The following CDKAL1 variants were observed in gnomAD, a reference collection of about 807,000 sequenced individuals.
CDKAL1 encodes CDKAL1 threonylcarbamoyladenosine tRNA methylthiotransferase.
CDKAL1 carries 32 observed loss-of-function variants against 68.2 expected under a neutral mutation model. That is an observed-to-expected ratio of 0.47 (90% CI 0.35 to 0.63). CDKAL1 has a LOEUF of 0.63. CDKAL1 is among the 30% of genes least tolerant of loss of function. The pLI is 0.00. For missense variants in CDKAL1, 606 were observed against 696.7 expected, an observed-to-expected ratio of 0.87 and a Z score of 1.47; for synonymous variants, 234 against 244.3, an observed-to-expected ratio of 0.96 and a Z score of 0.39.
intron 10 of CDKAL1, among the ~76,000 whole-genome samples, chr6:20,959,658 A>G (rs1352331447): frequency 6.6e-6 from 1 of 152,066 alleles, no homozygotes; most frequent in Non-Finnish European, 1.5e-5. Context: ...CAGACATACT[A>G]ATATTTGCTA....
At chr6:20,857,443 A>G (rs1759394142) in intron 9 of CDKAL1, among the ~76,000 whole-genome samples, 1 of 152,244 alleles carries the variant, frequency 6.6e-6, no homozygotes, top group East Asian at 1.9e-4. Flanking sequence ...AGGAATGATG[A>G]TGAGATAGTA....
At chr6:20,741,264 A>C (rs1325523356) in intron 6 of CDKAL1, among the ~76,000 whole-genome samples, 2 of 151,974 alleles carry the variant, frequency 1.3e-5, no homozygotes, top group African/African-American at 4.8e-5. Context: ...CTGGCAGATA[A>C]ACATTTTTTT....
chr6:20,923,531 C>G (rs1279498767), intron 9 of CDKAL1, among the ~76,000 whole-genome samples: 1 of 152,092 alleles, frequency 6.6e-6, no homozygotes, highest in East Asian at 1.9e-4. Flanking sequence ...AGATGGTGAA[C>G]TTAATTGGTA....
At chr6:20,728,117 T>A (rs1332063999) in intron 5 of CDKAL1, among the ~76,000 whole-genome samples, 2 of 152,232 alleles carry the variant, frequency 1.3e-5, no homozygotes, top group Non-Finnish European at 2.9e-5. Context: ...TATTTGTGTT[T>A]ATTAATGTAC....
intron 4 of CDKAL1, among the ~76,000 whole-genome samples, chr6:20,575,152 A>G (rs922579640): frequency 6.6e-6 from 1 of 152,200 alleles, no homozygotes; most frequent in Non-Finnish European, 1.5e-5. Flanking sequence ...ACAGAACTTA[A>G]TGGCTGTTAA....
At chr6:21,199,382 C>T (rs774588407) in intron 14 of CDKAL1, among the ~76,000 whole-genome samples, 23 of 152,176 alleles carry the variant, frequency 1.5e-4, no homozygotes, top group Non-Finnish European at 1.6e-4. Flanking sequence ...CCCAGCACTC[C>T]ATGTCTGGCC....
chr6:20,942,332 A>G (rs1332681816), intron 9 of CDKAL1, among the ~76,000 whole-genome samples: 1 of 146,486 alleles, frequency 6.8e-6, no homozygotes. Flanking sequence ...ACCCCAAAAT[A>G]TGTTATTATT....
intron 11 of CDKAL1, among the ~76,000 whole-genome samples, chr6:21,009,575 T>A (rs1391759317): frequency 6.6e-6 from 1 of 152,226 alleles, no homozygotes; most frequent in African/African-American, 2.4e-5. Flanking sequence ...AGATAAACTA[T>A]GCCCAATAGC....
chr6:21,017,092 T>C (rs1768381149), intron 11 of CDKAL1, among the ~76,000 whole-genome samples: 1 of 152,224 alleles, frequency 6.6e-6, no homozygotes, highest in Admixed American at 6.5e-5. Context: ...TTATGCAAAG[T>C]ATTTTACATA....
intron 9 of CDKAL1, among the ~76,000 whole-genome samples, chr6:20,934,900 A>AT (rs35030815): frequency 0.33 from 44,930 of 136,616 alleles, 9,276 homozygotes; most frequent in African/African-American, 0.58. Flanking sequence ...CGCCTTATAC[A>AT]TTTTTTTTTT....
At chr6:20,589,110 G>A (rs6907767) in intron 4 of CDKAL1, among the ~76,000 whole-genome samples, 112,042 of 151,808 alleles carry the variant, frequency 0.74, 41,510 homozygotes, top group East Asian at 0.8. Context: ...GTGAACATCT[G>A]CAGCCACACA....
At chr6:21,115,774 A>C (rs1216810999) in intron 13 of CDKAL1, among the ~76,000 whole-genome samples, 6 of 152,162 alleles carry the variant, frequency 3.9e-5, no homozygotes, top group African/African-American at 1.4e-4. Flanking sequence ...TGTTAAATCC[A>C]TTTCCTCATC....
chr6:20,608,392 CTAAG>C (rs555917584), intron 4 of CDKAL1, among the ~76,000 whole-genome samples: 4 of 152,076 alleles, frequency 2.6e-5, no homozygotes, highest in East Asian at 1.9e-4. Flanking sequence ...CTTTCCAGTT[CTAAG>C]TGAGTGTGAC....
intron 9 of CDKAL1, among the ~76,000 whole-genome samples, chr6:20,859,296 A>T (rs994798569): frequency 1.4e-5 from 2 of 146,670 alleles, no homozygotes; most frequent in African/African-American, 2.6e-5. Flanking sequence ...TAAAAAACTT[A>T]AAAAAAAAAG....
At chr6:21,057,219 G>C (rs1274902247) in intron 11 of CDKAL1, among the ~76,000 whole-genome samples, 2 of 152,114 alleles carry the variant, frequency 1.3e-5, no homozygotes, top group African/African-American at 4.8e-5. Flanking sequence ...GGTCTATTCA[G>C]GGATTCAAGT....
At chr6:21,022,958 G>A (rs1163920334) in intron 11 of CDKAL1, among the ~76,000 whole-genome samples, 1 of 152,152 alleles carries the variant, frequency 6.6e-6, no homozygotes, top group Non-Finnish European at 1.5e-5. Context: ...GAATTACATT[G>A]CATCAGCATT....
chr6:20,773,578 C>T (rs372647213), intron 7 of CDKAL1, among the ~76,000 whole-genome samples: 21 of 151,884 alleles, frequency 1.4e-4, no homozygotes, highest in African/African-American at 4.1e-4. Flanking sequence ...GGTGGAGTCT[C>T]GCTCTGTAGC....
chr6:20,849,331 C>A (rs1640805196), intron 9 of CDKAL1, among the ~76,000 whole-genome samples: 1 of 151,890 alleles, frequency 6.6e-6, no homozygotes, highest in Non-Finnish European at 1.5e-5. Context: ...CGCCTGTAAT[C>A]CCAGCACTTT....
At chr6:20,571,362 A>C (rs1764694368) in intron 4 of CDKAL1, among the ~76,000 whole-genome samples, 2 of 152,166 alleles carry the variant, frequency 1.3e-5, no homozygotes, top group Admixed American at 6.5e-5. Flanking sequence ...TGTATTCAGC[A>C]GTTGAACAAG....
Sources: allele counts gnomAD v4.1 joint callset (sites outside exome capture counted in the v4.1 genomes callset), GRCh38; gene constraint gnomAD v4.1.1; transcripts MANE v1.5; gene names NCBI Gene and HGNC (gene_info 2026-07-23, HGNC 2026-07-21).